Variants in EPN3 observed in about 807,000 individuals in gnomAD.
EPN3 encodes the protein epsin 3.
In EPN3, 56 loss-of-function variants were observed where a neutral mutation model predicts 55.5. The ratio of observed to expected loss-of-function variants is 1.01; its 90% CI spans 0.81 to 1.26. The LOEUF (loss-of-function observed/expected upper bound fraction) is 1.26, where lower values mean the gene tolerates loss of function less well. Among genes scored for constraint, EPN3 ranks in the 50% most tolerant of loss-of-function variants. EPN3 has a pLI of 0.00. For synonymous variants in EPN3, 449 were observed against 375.2 expected (o/e 1.20, Z -2.27); for missense variants, 927 against 853.4 (o/e 1.09, Z -1.07).
chr17:50,536,518 C>A lies in EPN3; in HGVS notation c.-39C>A, dbSNP rs535598901. On this transcript the variant is annotated 5_prime_UTR_variant, in exon 2 of 10. Transcript: ENST00000268933. ...ACAGTGGCCCTCAGCCCTCCACCTC[C>A]GGCGGGGGCGAGGGCCACCCACCTC... 3 of 1,611,504 alleles carry A rather than the reference C, an allele frequency of 1.9e-6. No individual in the cohort carries two copies. Among genetic ancestry groups the A allele is most frequent in the Non-Finnish European group, 2.5e-6 (3 of 1,179,964 alleles).
Position 50,541,855 on chromosome 17 carries a change from C to G in EPN3, c.1597C>G (p.Pro533Ala). Reference protein sequence around the residue: ...RNPFLTGLSAPSPTNPFGAGE... With the variant: ...RNPFLTGLSAASPTNPFGAGE... Reference sequence around the variant, plus strand: ...CTCTCGTTCTGCAGGTCTCAGCGCTCCGTCCCCCACCAACCCGTTCGGCGC... The same window carrying G: ...CTCTCGTTCTGCAGGTCTCAGCGCTGCGTCCCCCACCAACCCGTTCGGCGC... Residue 533 changes from proline (P) to alanine (A), a missense_variant, in exon 10 of 10, where the codon CCG becomes GCG. Pro to Ala is a conservative substitution (Grantham distance 27). Coordinates refer to ENST00000268933, the MANE Select transcript of EPN3 (RefSeq NM_017957.3). 3 of 1,610,014 alleles carry G rather than the reference C, an allele frequency of 1.9e-6. No individual in the cohort carries two copies. Among genetic ancestry groups the G allele is most frequent in the Non-Finnish European group, 2.5e-6 (3 of 1,180,016 alleles).
At chr17:50,539,061 C>T (rs1875697919) in intron 4 of EPN3, 97 bp downstream of exon 4, 4 of 1,541,028 alleles carry the variant, frequency 2.6e-6, no homozygotes, top group Non-Finnish European at 3.5e-6. Flanking sequence ...ACCCGGTGGC[C>T]CTGCTGCTCC....
Position 50,540,775 on chromosome 17 carries a change from A to G in EPN3, c.980-18A>G. ...TAAGGGTGGGCCTGGGATCATGTCT[A>G]TGCTGTTCCCATTTCAGGTTTTAGG... is the stretch of plus-strand genomic sequence containing the variant. On this transcript the variant is annotated intron_variant, in intron 6 of 9. Coordinates refer to ENST00000268933, the MANE Select transcript of EPN3 (RefSeq NM_017957.3). 1 of 1,597,442 alleles carries G rather than the reference A, an allele frequency of 6.3e-7. No individual in the cohort carries two copies. The highest frequency in any genetic ancestry group is 8.6e-7 in the Non-Finnish European group (1 of 1,169,536).
At position 50,542,079 on chromosome 17, in the gene EPN3, G is replaced by A. The variant is rs2034857921; in HGVS notation, c.1821G>A (p.Pro607=). The A allele has an allele frequency of 1.3e-6, 2 of 1,578,002 alleles. No individual in the cohort carries two copies. The highest frequency in any genetic ancestry group is 1.7e-6 in the Non-Finnish European group (2 of 1,171,896). ...TCCCGCAGGCCGGAGCCTTCGCACC[G>A]CAGCCGCTGCTGCCCACGCCGAGCT... The part of the protein sequence containing the change: ...SVFPQAGAFA[P]QPLLPTPSSA... The change falls in exon 10 of 10, where the codon CCG becomes CCA. Residue 607 remains proline, a synonymous_variant. Transcript: ENST00000268933.
In EPN3 at chr17:50,536,744, G is replaced by T; in HGVS notation, c.188G>T (p.Arg63Leu). The T allele has an allele frequency of 1.2e-6, 2 of 1,614,144 alleles. No individual in the cohort carries two copies. Among genetic ancestry groups the T allele is most frequent in the Non-Finnish European group, 1.7e-6 (2 of 1,180,048 alleles). Residue 63 changes from arginine to leucine, a missense_variant, in exon 2 of 10, where the codon CGG becomes CTG. Coordinates refer to ENST00000268933, the MANE Select transcript of EPN3 (RefSeq NM_017957.3). ...FTEVMGMLWR[R>L]LNDSGKNWRH... ...GAAGTCATGGGCATGCTGTGGCGGC[G>T]GCTCAATGACAGCGGCAAGAACTGG...
chr17:50,533,458 G>T (rs996092434), intron 1 of EPN3, among the ~76,000 whole-genome samples: 2 of 152,236 alleles, frequency 1.3e-5, no homozygotes, highest in Non-Finnish European at 2.9e-5. Context: ...CTGACTTGGA[G>T]GCAGGGGCTG....
chr17:50,537,662 G>C (rs2034784613), intron 2 of EPN3, among the ~76,000 whole-genome samples: 1 of 152,220 alleles, frequency 6.6e-6, no homozygotes, highest in Non-Finnish European at 1.5e-5. Context: ...TACTCAGAAT[G>C]GCCCGCCTTC....
At chr17:50,539,385 A>C in intron 5 of EPN3, 70 bp downstream of exon 5, 1 of 1,602,714 alleles carries the variant, frequency 6.2e-7, no homozygotes, top group Non-Finnish European at 8.5e-7. Context: ...GTAAAGAGAG[A>C]GCAGAGCAGT....
intron 5 of EPN3, 158 bp from the exon 6 acceptor site, chr17:50,540,089 T>TTATA (rs1185975720): frequency 5.8e-6 from 3 of 513,880 alleles, no homozygotes; most frequent in African/African-American, 5.8e-5. Context: ...TGAAGAAACA[T>TTATA]TATAAACTGT....
rs1472613562 is a variant in EPN3, at chr17:50,541,892, G to GCTAAAC, written c.1635_1636insTAAACC (p.Gly545_Arg546insTer). The GCTAAAC allele has an allele frequency of 1.2e-6, 2 of 1,605,804 alleles. No homozygotes were observed. The highest frequency in any genetic ancestry group is 2.2e-5 in the South Asian group (2 of 91,070). ...AACCCGTTCGGCGCGGGCGAGCCGGGCAGGCCGACGCTAAACCAGATGCGC... is the reference window on the plus strand; with the variant it reads ...AACCCGTTCGGCGCGGGCGAGCCGGGCTAAACCAGGCCGACGCTAAACCAGATGCGC... On this transcript the variant is annotated stop_gained and inframe_insertion, in exon 10 of 10. Coordinates refer to ENST00000268933, the MANE Select transcript of EPN3 (RefSeq NM_017957.3). LOFTEE classifies it high-confidence loss of function.
rs776274713 is a variant in EPN3 at position 50,539,240 on chromosome 17, C to T, written c.816C>T (p.Ala272=). The T allele has an allele frequency of 3.3e-5, 54 of 1,613,992 alleles. No homozygotes were observed. The East Asian group carries it at 8.5e-4, about 25-fold the overall frequency. ...CCCCCATGGCCAATGGTGCAGGGGC[C>T]GTGGTCCACCATCAGCGGGACAGAG... The part of the protein sequence containing the change: ...DGSPMANGAG[A]VVHHQRDREP... The change falls in exon 5 of 10, where the codon GCC becomes GCT. Residue 272 remains alanine (A), a synonymous_variant. Transcript: ENST00000268933.
chr17:50,536,614 G>A lies in EPN3; in HGVS notation c.58G>A (p.Ala20Thr), dbSNP rs753134986. 1 of 1,613,962 alleles carries A rather than the reference G, an allele frequency of 6.2e-7. No homozygotes were observed. Among genetic ancestry groups the A allele is most frequent in the African/African-American group, 1.3e-5 (1 of 74,928 alleles). ...VKNIVHNYSE[A>T]EIKVREATSN... ...GAACATCGTGCACAACTACTCCGAGGCAGAAATCAAGGTGCGCGAGGCCAC... is the reference window on the plus strand; with the variant it reads ...GAACATCGTGCACAACTACTCCGAGACAGAAATCAAGGTGCGCGAGGCCAC... The change falls in exon 2 of 10, where the codon GCA becomes ACA. Residue 20 changes from alanine (A) to threonine (T), a missense_variant. Transcript: ENST00000268933.
intron 1 of EPN3, chr17:50,534,656 G>A (rs1287344936): frequency 1.0e-6 from 1 of 985,268 alleles, no homozygotes; most frequent in Non-Finnish European, 1.2e-6. Flanking sequence ...ACAAAAGGTA[G>A]GCTGCGCTGT....
At chr17:50,539,369 G>C (rs574942636) in intron 5 of EPN3, 54 bp downstream of exon 5, 1 of 1,610,016 alleles carries the variant, frequency 6.2e-7, no homozygotes, top group Non-Finnish European at 8.5e-7. Flanking sequence ...GATGGACTGA[G>C]TATTTGTAAA....
chr17:50,539,669 T>C (rs990684365), intron 5 of EPN3, among the ~76,000 whole-genome samples: 2 of 152,322 alleles, frequency 1.3e-5, no homozygotes, highest in East Asian at 3.9e-4. Flanking sequence ...TATGTGATAC[T>C]GTCAATCAAG....
chr17:50,538,212 C>T lies in EPN3; in HGVS notation c.681+15C>T. The T allele has an allele frequency of 6.3e-7, 1 of 1,596,750 alleles. No individual in the cohort carries two copies. The highest frequency in any genetic ancestry group is 1.7e-4 in the Middle Eastern group (1 of 6,008). On this transcript the variant is annotated intron_variant, in intron 3 of 9. Coordinates refer to ENST00000268933, the MANE Select transcript of EPN3 (RefSeq NM_017957.3). ...AGGCAGAGAAGGTGAGGCCATGCAG[C>T]CCCACTGCGGTGGGGAGGGGATGGG...
intron 4 of EPN3, 109 bp from the exon 5 acceptor site, chr17:50,539,078 C>G: frequency 6.4e-7 from 1 of 1,558,366 alleles, no homozygotes. Flanking sequence ...CTCCTAACCT[C>G]TCAGCTGCCT....
chr17:50,541,185 G>T (rs1335291656), intron 7 of EPN3, 44 bp from the exon 8 acceptor site: 3 of 1,611,006 alleles, frequency 1.9e-6, no homozygotes, highest in Middle Eastern at 1.7e-4. Flanking sequence ...ACCAACACCT[G>T]CCCTTTTTGT....
In EPN3 at chr17:50,541,063, G is replaced by C; in HGVS notation, c.1249+1G>C. The stretch of plus-strand genomic sequence containing the variant: ...TCCCTGGAGACCTCCGACACACCTG[G>C]TAAGAAGAGGGCCAGAGAGTGTGAG... On this transcript the variant is annotated splice_donor_variant, in intron 7 of 9. Transcript: ENST00000268933. LOFTEE classifies it high-confidence loss of function. 2 of 1,574,370 alleles carry C rather than the reference G, an allele frequency of 1.3e-6. No homozygotes were observed. Among genetic ancestry groups the C allele is most frequent in the Non-Finnish European group, 1.7e-6 (2 of 1,161,628 alleles).
Sources: allele counts gnomAD v4.1 joint callset (sites outside exome capture counted in the v4.1 genomes callset), GRCh38; gene constraint gnomAD v4.1.1; transcripts MANE v1.5; gene names NCBI Gene and HGNC (gene_info 2026-07-23, HGNC 2026-07-21).